AKAP9: variants seen among roughly 807,000 people sequenced by gnomAD.
AKAP9 encodes the protein A-kinase anchoring protein 9.
Under a neutral mutation model 488.5 loss-of-function variants are expected in AKAP9, and 311 were observed. The observed-to-expected ratio is 0.64, with a 90% CI of 0.58 to 0.70. The LOEUF (loss-of-function observed/expected upper bound fraction) is 0.70, where lower values mean the gene tolerates loss of function less well. Among genes scored for constraint, AKAP9 ranks in the 30% least tolerant of loss-of-function variants. The pLI is 0.00. For missense variants in AKAP9, 4,215 were observed against 4,374.5 expected (o/e 0.96, Z 1.03); for synonymous variants, 1,462 against 1,483.5 (o/e 0.99, Z 0.33).
At chr7:92,087,214 A>G (rs191458990) in intron 37 of AKAP9, among the ~76,000 whole-genome samples, 295 of 152,306 alleles carry the variant, frequency 1.9e-3, no homozygotes, top group African/African-American at 6.7e-3. Context: ...CAAATCTGCA[A>G]ATATGGAATC....
In AKAP9 at chr7:92,002,603, C is replaced by T; in HGVS notation, c.2686C>T (p.Leu896Phe). Reference sequence around the variant, plus strand: ...AGAGTATAAAAGTAAACTTAAAGCACTTAATGAAGAGCTTCATTTGCAAAG... The same window carrying T: ...AGAGTATAAAAGTAAACTTAAAGCATTTAATGAAGAGCTTCATTTGCAAAG... ...ELEYKSKLKA[L>F]NEELHLQRIN... is the part of the protein sequence containing the mutation. The change falls in exon 8 of 50, where the codon CTT (leucine) becomes TTT (phenylalanine). Residue 896 changes from leucine (L) to phenylalanine (F), a missense_variant. Coordinates refer to ENST00000356239, the MANE Select transcript of AKAP9 (RefSeq NM_005751.5). 1 of 1,611,212 alleles carries T rather than the reference C, an allele frequency of 6.2e-7. No homozygotes were observed. The highest frequency in any genetic ancestry group is 8.5e-7 in the Non-Finnish European group (1 of 1,178,580).
rs769011685 is a variant in AKAP9 at position 92,016,156 on chromosome 7, T to C, written c.3640T>C (p.Tyr1214His). The change falls in exon 11 of 50, where the codon TAT becomes CAT. Residue 1214 changes from tyrosine to histidine, a missense_variant. Coordinates refer to ENST00000356239, the MANE Select transcript of AKAP9 (RefSeq NM_005751.5). Reference protein sequence around the residue: ...QTLCSVLGEYYTPALKCEVNA... With the variant: ...QTLCSVLGEYHTPALKCEVNA... ...TTTATGCAGTGTCCTTGGTGAATAT[T>C]ATACTCCTGCTTTAAAATGTGAAGT... is the stretch of plus-strand genomic sequence containing the variant. 6.2e-6 allele frequency: 10 copies of C among 1,604,584 alleles called. No individual in the cohort carries two copies. In the South Asian group the frequency reaches 9.9e-5, roughly 16 times the overall value.
intron 34 of AKAP9, 39 bp from the exon 35 acceptor site, chr7:92,084,778 ATT>A (rs762228927): frequency 6.0e-5 from 75 of 1,247,790 alleles, no homozygotes; most frequent in Middle Eastern, 2.0e-4. Flanking sequence ...CTGGGGTTTG[ATT>A]TTTTTTTTTT....
At chr7:91,951,525 A>T (rs1229050847) in intron 1 of AKAP9, among the ~76,000 whole-genome samples, 3 of 152,064 alleles carry the variant, frequency 2.0e-5, no homozygotes. Flanking sequence ...GGGTTTTGCC[A>T]TGTTGCCCAG....
intron 8 of AKAP9, among the ~76,000 whole-genome samples, chr7:92,005,387 G>C (rs1799698830): frequency 6.6e-6 from 1 of 152,292 alleles, no homozygotes; most frequent in Middle Eastern, 3.4e-3. Context: ...AAAGACACGG[G>C]TAAGTTTAAA....
chr7:92,094,118 CG>C (rs1816118321), intron 39 of AKAP9, among the ~76,000 whole-genome samples: 1 of 151,748 alleles, frequency 6.6e-6, no homozygotes. Context: ...CCCAAAGTGC[CG>C]GGATTACAGG....
intron 28 of AKAP9, among the ~76,000 whole-genome samples, chr7:92,071,388 G>GTTT (rs199723894): frequency 7.0e-6 from 1 of 142,586 alleles, no homozygotes; most frequent in Non-Finnish European, 1.5e-5. Context: ...TTGCTGTGTG[G>GTTT]TTTTTTTTTT....
chr7:92,105,566 A>C, intron 46 of AKAP9, 112 bp from the exon 47 acceptor site: 1 of 828,266 alleles, frequency 1.2e-6, no homozygotes, highest in Non-Finnish European at 2.1e-6. Context: ...GGCAATTGTG[A>C]AATTTGACAT....
chr7:92,003,326 T>A, intron 8 of AKAP9, 91 bp downstream of exon 8: 3 of 980,114 alleles, frequency 3.1e-6, no homozygotes, highest in Non-Finnish European at 4.6e-6. Flanking sequence ...TAAGTTCATA[T>A]CCTTACAAGA....
intron 48 of AKAP9, chr7:92,107,775 C>T (rs531864939): frequency 2.3e-5 from 5 of 217,768 alleles, no homozygotes; most frequent in Middle Eastern, 2.0e-3. Context: ...GGTGTGAACC[C>T]GGGAGGCGGA....
rs1201509177 is a variant in AKAP9, at chr7:92,082,573, C to G, written c.8071C>G (p.Leu2691Val). The change falls in exon 32 of 50, where the codon CTC becomes GTC. Residue 2691 changes from leucine (L) to valine (V), a missense_variant. Physicochemically the swap from Leu to Val is conservative, Grantham distance 32. This residue lies in a region of AKAP9 where 1,476 missense variants were observed against 1,477.4 expected (regional missense o/e 1.00). Transcript: ENST00000356239. The stretch of plus-strand genomic sequence containing the variant: ...TGAAGAAAGTGGATTTTTTAATGAA[C>G]TCGAGGCTCTTAGAGCTGAATCAGT... ...SNEESGFFNE[L>V]EALRAESVAT... 1 of 1,613,784 alleles carries G rather than the reference C, an allele frequency of 6.2e-7. No individual in the cohort carries two copies. The highest frequency in any genetic ancestry group is 1.7e-5 in the Admixed American group (1 of 60,010).
intron 1 of AKAP9, among the ~76,000 whole-genome samples, chr7:91,952,206 G>A (rs914525760): frequency 6.6e-6 from 1 of 152,154 alleles, no homozygotes; most frequent in Non-Finnish European, 1.5e-5. Flanking sequence ...TTTCACATTC[G>A]AGTAGAAAGT....
intron 5 of AKAP9, among the ~76,000 whole-genome samples, chr7:91,994,032 G>C (rs926487178): frequency 2.0e-5 from 3 of 152,136 alleles, no homozygotes; most frequent in African/African-American, 7.2e-5. Context: ...GGGAGGCTGA[G>C]ACAGGAAGAT....
At position 92,001,410 on chromosome 7, in the gene AKAP9, T is replaced by C; in HGVS notation, c.1493T>C (p.Leu498Pro). ...TTAATGAATGTGGCAATAAATGAAC[T>C]GAATATAAAATTGCAAGATACTAAC... ...IKLMNVAINELNIKLQDTNSQ... is the reference protein window; with the variant it reads ...IKLMNVAINEPNIKLQDTNSQ... Residue 498 changes from leucine to proline, a missense_variant, in exon 8 of 50, where the codon CTG (leucine) becomes CCG (proline). Physicochemically the swap from Leu to Pro is moderately conservative, Grantham distance 98. Coordinates refer to ENST00000356239, the MANE Select transcript of AKAP9 (RefSeq NM_005751.5). 6.2e-7 allele frequency: 1 copy of C among 1,613,762 alleles called. No homozygotes were observed. The highest frequency in any genetic ancestry group is 8.5e-7 in the Non-Finnish European group (1 of 1,179,782).
chr7:92,023,841 T>C (rs1802673970), intron 14 of AKAP9, among the ~76,000 whole-genome samples: 1 of 152,128 alleles, frequency 6.6e-6, no homozygotes, highest in African/African-American at 2.4e-5. Flanking sequence ...TAAACAAGCA[T>C]TATCAGTATG....
In AKAP9 at chr7:91,943,222, A is replaced by C. The variant is rs553908052; in HGVS notation, c.48+2075A>C. 1.6e-4 allele frequency among the ~76,000 whole-genome samples: 24 copies of C among 152,038 alleles called. No homozygotes were observed. In the East Asian group the frequency reaches 1.9e-3, roughly 12 times the overall value. On this transcript the variant is annotated intron_variant, in intron 1 of 49. Transcript: ENST00000356239. ...TCAGAAAACAAACAAACAAAAAAAA[A>C]CCCCTGGAAATAACTTTTAAAGACA...
chr7:92,044,135 A>G (rs1806574598), intron 20 of AKAP9, among the ~76,000 whole-genome samples: 1 of 152,240 alleles, frequency 6.6e-6, no homozygotes, highest in South Asian at 2.1e-4. Flanking sequence ...GTATATATTT[A>G]TAAGAGAGGC....
Position 92,062,270 on chromosome 7 carries a change from A to G in AKAP9, c.5765-4A>G, listed in dbSNP as rs1310166573. On this transcript the variant is annotated splice_polypyrimidine_tract_variant and splice_region_variant and intron_variant, in intron 23 of 49. Coordinates refer to ENST00000356239, the MANE Select transcript of AKAP9 (RefSeq NM_005751.5). ...TTCTATTTTCTGTTAATTTTGTATT[A>G]TAGGCGTCATTGATGGCTATGCAGA... 1.2e-6 allele frequency: 2 copies of G among 1,607,498 alleles called. No homozygotes were observed. The highest frequency in any genetic ancestry group is 1.7e-6 in the Non-Finnish European group (2 of 1,174,290).
chr7:92,055,523 CATT>C (rs561085799), intron 22 of AKAP9, among the ~76,000 whole-genome samples: 21 of 152,104 alleles, frequency 1.4e-4, no homozygotes, highest in African/African-American at 3.9e-4. Flanking sequence ...AATGGTTTGA[CATT>C]ATTTGATTTA....
Sources: allele counts gnomAD v4.1 joint callset (sites outside exome capture counted in the v4.1 genomes callset), GRCh38; gene constraint gnomAD v4.1.1; regional missense constraint gnomAD v4.1.1; transcripts MANE v1.5; gene names NCBI Gene and HGNC (gene_info 2026-07-23, HGNC 2026-07-21).